Variants in ERG28 observed in about 807,000 individuals in gnomAD.
ERG28 encodes the protein ergosterol biosynthetic protein 28 homolog.
In ERG28, 9 loss-of-function variants were observed where a neutral mutation model predicts 15.7. That is an observed-to-expected ratio of 0.57 (90% CI 0.35 to 1.00). The LOEUF is 1.00. Among genes scored for constraint, ERG28 ranks in the 50% least tolerant of loss-of-function variants. The pLI is 0.02. For synonymous variants in ERG28, 61 were observed against 68.4 expected (o/e 0.89, Z 0.53); for missense variants, 117 against 173.3 (o/e 0.68, Z 1.82).
intron 4 of ERG28, 26 bp downstream of exon 4, chr14:75,651,745 G>C: frequency 6.3e-7 from 1 of 1,597,788 alleles, no homozygotes; most frequent in African/African-American, 1.3e-5. Flanking sequence ...GCTCCTGTAG[G>C]AGGTCTAGGG....
chr14:75,653,431 G>A (rs1022891750), intron 3 of ERG28, among the ~76,000 whole-genome samples: 5 of 151,716 alleles, frequency 3.3e-5, no homozygotes, highest in Non-Finnish European at 5.9e-5. Flanking sequence ...GTGAGAACCT[G>A]TCTCTACTAA....
chr14:75,658,880 A>G (rs1469353512), intron 1 of ERG28, among the ~76,000 whole-genome samples: 1 of 152,182 alleles, frequency 6.6e-6, no homozygotes, highest in Non-Finnish European at 1.5e-5. Context: ...TGCAAGAGAT[A>G]AAGCCTCTTT....
intron 1 of ERG28, among the ~76,000 whole-genome samples, chr14:75,659,542 G>A (rs1890648344): frequency 6.9e-6 from 1 of 144,740 alleles, no homozygotes; most frequent in Non-Finnish European, 1.5e-5. Flanking sequence ...GGGATTACAG[G>A]TGTGAGCTAC....
At chr14:75,657,762 C>T (rs187279991) in intron 1 of ERG28, among the ~76,000 whole-genome samples, 16 of 152,256 alleles carry the variant, frequency 1.1e-4, no homozygotes, top group Admixed American at 9.2e-4. Flanking sequence ...GGAATCAGTC[C>T]TCTATCTTTA....
Position 75,653,607 on chromosome 14 carries a change from G to GAA in ERG28, c.224+1277_224+1278dup, listed in dbSNP as rs758218155. ...TGGGTGACAGAGCAAGACTGTCTCA[G>GAA]AAAAAAAAAAAAAAAGAGATAAGTC... On this transcript the variant is annotated intron_variant, in intron 3 of 4. Coordinates refer to ENST00000256319, the MANE Select transcript of ERG28 (RefSeq NM_007176.4). 6.4e-5 allele frequency among the ~76,000 whole-genome samples: 7 copies of GAA among 108,826 alleles called. No homozygotes were observed. The East Asian group carries it at 7.9e-4, about 12-fold the overall frequency. 71.4% of individuals were successfully genotyped at this position (108,826 alleles called of 152,430 possible).
At chr14:75,658,121 T>C (rs1890621001) in intron 1 of ERG28, among the ~76,000 whole-genome samples, 1 of 152,222 alleles carries the variant, frequency 6.6e-6, no homozygotes, top group African/African-American at 2.4e-5. Flanking sequence ...ACTGAGCTCC[T>C]GGCCATGACA....
intron 1 of ERG28, among the ~76,000 whole-genome samples, chr14:75,659,472 C>G (rs764213647): frequency 7.1e-4 from 108 of 151,946 alleles, no homozygotes; most frequent in Non-Finnish European, 1.4e-3. Context: ...ATCCTCCTAC[C>G]TCAACCTCTC....
intron 2 of ERG28, among the ~76,000 whole-genome samples, chr14:75,657,156 G>C (rs1168964973): frequency 6.6e-6 from 1 of 152,020 alleles, no homozygotes; most frequent in Non-Finnish European, 1.5e-5. Flanking sequence ...CCAAAGGCTA[G>C]CTAAGGCAGC....
rs1890669769 is a variant in ERG28 at position 75,660,340 on chromosome 14, T to C, written c.-32+435A>G. Among the ~76,000 whole-genome samples the C allele has an allele frequency of 2.6e-5, 4 of 152,186 alleles. No individual in the cohort carries two copies. In the South Asian group the frequency reaches 8.3e-4, roughly 32 times the overall value. ...CAGCCCAGCCAAGCCCAGCCCAGCA[T>C]AGGTGTGCTGTTAAAACTTAATCAG... On this transcript the variant is annotated intron_variant, in intron 1 of 4. Transcript: ENST00000256319.
intron 1 of ERG28, among the ~76,000 whole-genome samples, chr14:75,660,243 AT>A (rs1594825438): frequency 6.6e-6 from 1 of 152,244 alleles, no homozygotes; most frequent in East Asian, 1.9e-4. Context: ...TCTCAACCTA[AT>A]TTCCCTAAAG....
intron 1 of ERG28, 101 bp from the exon 2 acceptor site, chr14:75,657,634 A>G: frequency 9.6e-7 from 1 of 1,041,598 alleles, no homozygotes. Flanking sequence ...AAAGAAATTC[A>G]GTCACACTAA....
rs1890535491 is a variant in ERG28, at chr14:75,652,249, G to A, written c.225-360C>T. On this transcript the variant is annotated intron_variant, in intron 3 of 4. Transcript: ENST00000256319. ...CTTACATATTCTATTTATCCAAATTGGTTGACTCTGCAGTCTAATCCCACC... is the reference window on the plus strand; with the variant it reads ...CTTACATATTCTATTTATCCAAATTAGTTGACTCTGCAGTCTAATCCCACC... 2.6e-5 allele frequency among the ~76,000 whole-genome samples: 4 copies of A among 152,312 alleles called. No homozygotes were observed. In the South Asian group the frequency reaches 8.3e-4, roughly 32 times the overall value.
rs1326266174 is a variant in ERG28, at chr14:75,657,421, G to A, written c.82C>T (p.Arg28Ter). 8.1e-6 allele frequency: 13 copies of A among 1,613,154 alleles called. No homozygotes were observed. The highest frequency in any genetic ancestry group is 1.7e-5 in the Admixed American group (1 of 59,916). Residue 28 changes from arginine to a stop codon, truncating the protein, a stop_gained, in exon 2 of 5, where the codon CGA (arginine) becomes TGA (stop). Transcript: ENST00000256319. LOFTEE classifies it high-confidence loss of function. ...TTTTCATAGAGAAAAGTGTGGTCTCGGAAGCTCTGCAGCGTGTTCCCCATG... is the reference window on the plus strand; with the variant it reads ...TTTTCATAGAGAAAAGTGTGGTCTCAGAAGCTCTGCAGCGTGTTCCCCATG... Reference protein sequence around the residue: ...IAMGNTLQSFRDHTFLYEKLY... With the variant: ...IAMGNTLQSF
intron 3 of ERG28, among the ~76,000 whole-genome samples, chr14:75,652,127 C>A (rs887598573): frequency 1.3e-5 from 2 of 152,240 alleles, no homozygotes; most frequent in African/African-American, 2.4e-5. Context: ...CCAGAATGAA[C>A]GTCCAGGTCT....
At chr14:75,658,885 C>T (rs1457704350) in intron 1 of ERG28, among the ~76,000 whole-genome samples, 2 of 152,114 alleles carry the variant, frequency 1.3e-5, no homozygotes, top group Non-Finnish European at 2.9e-5. Flanking sequence ...GAGATAAAGC[C>T]TCTTTTCCTT....
intron 2 of ERG28, among the ~76,000 whole-genome samples, chr14:75,656,615 A>C (rs781012727): frequency 5.9e-5 from 9 of 152,324 alleles, no homozygotes; most frequent in Admixed American, 6.5e-5. Context: ...CAGAGCCTGA[A>C]TCTGGGTTAG....
intron 1 of ERG28, among the ~76,000 whole-genome samples, chr14:75,659,920 G>A (rs527860271): frequency 9.4e-4 from 141 of 149,514 alleles, no homozygotes; most frequent in Non-Finnish European, 1.7e-3. Flanking sequence ...ATCTAGAGAA[G>A]GAAGGGTGAA....
chr14:75,653,353 C>T (rs548875405), intron 3 of ERG28, among the ~76,000 whole-genome samples: 1 of 151,368 alleles, frequency 6.6e-6, no homozygotes, highest in Admixed American at 6.6e-5. Context: ...GCCTGTAATC[C>T]CAGCACCTTG....
In ERG28 at chr14:75,657,922, G is replaced by T. The variant is rs534900934; in HGVS notation, c.-31-389C>A. Among the ~76,000 whole-genome samples, 4 of 152,306 alleles carry T rather than the reference G, an allele frequency of 2.6e-5. No individual in the cohort carries two copies. The South Asian group carries it at 8.3e-4, about 32-fold the overall frequency. On this transcript the variant is annotated intron_variant, in intron 1 of 4. Coordinates refer to ENST00000256319, the MANE Select transcript of ERG28 (RefSeq NM_007176.4). ...TATAAATTTGAGTAGGACTTATGGT[G>T]TGAGGTCACTATTTACATCCCTAGG... is the stretch of plus-strand genomic sequence containing the variant.
Sources: allele counts gnomAD v4.1 joint callset (sites outside exome capture counted in the v4.1 genomes callset), GRCh38; gene constraint gnomAD v4.1.1; transcripts MANE v1.5; gene names NCBI Gene and HGNC (gene_info 2026-07-23, HGNC 2026-07-21).